Variants in TCERG1L observed in about 807,000 individuals in gnomAD.
TCERG1L encodes transcription elongation regulator 1 like, also known as transcription elongation regulator 1-like protein.
TCERG1L carries 37 observed loss-of-function variants against 56.3 expected under a neutral mutation model. The ratio of observed to expected loss-of-function variants is 0.66; its 90% CI spans 0.51 to 0.87. The LOEUF (loss-of-function observed/expected upper bound fraction) is 0.87, where lower values mean the gene tolerates loss of function less well. Among genes scored for constraint, TCERG1L ranks in the 40% least tolerant of loss-of-function variants. TCERG1L has a pLI of 0.00. For missense variants in TCERG1L, 799 were observed against 774.2 expected (o/e 1.03, Z -0.38); for synonymous variants, 324 against 326.3 (o/e 0.99, Z 0.08).
At chr10:131,197,397 G>T (rs1482983801) in intron 4 of TCERG1L, among the ~76,000 whole-genome samples, 1 of 152,104 alleles carries the variant, frequency 6.6e-6, no homozygotes, top group Non-Finnish European at 1.5e-5. Flanking sequence ...ATGTTAGCCA[G>T]GATGGTCTCG....
intron 4 of TCERG1L, among the ~76,000 whole-genome samples, chr10:131,226,183 C>A (rs1029664119): frequency 3.3e-5 from 5 of 151,610 alleles, no homozygotes; most frequent in Non-Finnish European, 5.9e-5. Flanking sequence ...TCAAGCAATC[C>A]GCCCGCCTCA....
intron 3 of TCERG1L, among the ~76,000 whole-genome samples, chr10:131,285,646 T>C (rs747356742): frequency 1.1e-4 from 17 of 152,088 alleles, no homozygotes; most frequent in South Asian, 2.1e-4. Context: ...AACGCTGTAA[T>C]AGAGATAAGT....
At chr10:131,270,182 C>T (rs1257581586) in intron 3 of TCERG1L, among the ~76,000 whole-genome samples, 1 of 152,272 alleles carries the variant, frequency 6.6e-6, no homozygotes, top group Non-Finnish European at 1.5e-5. Flanking sequence ...GATGATATAA[C>T]GTGGGCACCC....
intron 4 of TCERG1L, among the ~76,000 whole-genome samples, chr10:131,207,054 GCTTTGTC>G (rs1209682654): frequency 6.6e-6 from 1 of 152,216 alleles, no homozygotes; most frequent in East Asian, 1.9e-4. Flanking sequence ...ATCAGAAAGT[GCTTTGTC>G]CTTTTCAGCG....
intron 4 of TCERG1L, among the ~76,000 whole-genome samples, chr10:131,238,111 C>T (rs1057301406): frequency 6.6e-6 from 1 of 152,180 alleles, no homozygotes; most frequent in Non-Finnish European, 1.5e-5. Flanking sequence ...CACAGCCTGG[C>T]CTCTCCACCT....
At chr10:131,285,508 GAAAGAAAGAAAGAAAGAGAGAAAGAA>G (rs1846520537) in intron 3 of TCERG1L, among the ~76,000 whole-genome samples, 1 of 17,804 alleles carries the variant, frequency 5.6e-5, no homozygotes, top group Non-Finnish European at 1.9e-4. Flanking sequence ...AAGAAAGAAA[GAAAGAAAGAAAGAAAGAGAGAAAGAA>G]AAGAAAAGAA....
At chr10:131,094,863 ACAGG>A (rs1379209160) in intron 11 of TCERG1L, among the ~76,000 whole-genome samples, 2 of 152,238 alleles carry the variant, frequency 1.3e-5, no homozygotes, top group Non-Finnish European at 2.9e-5. Context: ...CCCTGGCTAG[ACAGG>A]CATCTACACA....
intron 3 of TCERG1L, among the ~76,000 whole-genome samples, chr10:131,263,103 A>G (rs943648008): frequency 6.6e-6 from 1 of 152,074 alleles, no homozygotes; most frequent in Non-Finnish European, 1.5e-5. Context: ...TTTGCTTTTT[A>G]AGAAACTGCC....
At position 131,290,156 on chromosome 10, in the gene TCERG1L, C is replaced by T. The variant is rs538795419; in HGVS notation, c.670+18055G>A. Among the ~76,000 whole-genome samples, 10 of 93,976 alleles carry T rather than the reference C, an allele frequency of 1.1e-4. 2 individuals carry two copies. The highest frequency in any genetic ancestry group is 3.7e-4 in the African/African-American group (10 of 26,840). 61.7% of individuals were successfully genotyped at this position (93,976 alleles called of 152,430 possible). ...GGTGTGCACTGCCTCCATCTCCTAT[C>T]GGTGTGTGTGTGTGTATGTGTGCAC... On this transcript the variant is annotated intron_variant, in intron 3 of 11. Transcript: ENST00000368642.
intron 4 of TCERG1L, among the ~76,000 whole-genome samples, chr10:131,243,693 C>T (rs961439056): frequency 6.6e-6 from 1 of 152,244 alleles, no homozygotes; most frequent in Non-Finnish European, 1.5e-5. Flanking sequence ...CGTGACCAGA[C>T]ACCCTCTGTT....
intron 8 of TCERG1L, among the ~76,000 whole-genome samples, chr10:131,120,745 C>T (rs1013667087): frequency 6.6e-6 from 1 of 152,190 alleles, no homozygotes; most frequent in African/African-American, 2.4e-5. Flanking sequence ...CCAGCATGCT[C>T]CCCTGAGGTG....
chr10:131,210,649 C>T (rs1845606795), intron 4 of TCERG1L, among the ~76,000 whole-genome samples: 1 of 152,118 alleles, frequency 6.6e-6, no homozygotes. Context: ...TGAGCTGTCC[C>T]GCAGGCCCGC....
chr10:131,109,933 G>A (rs773971210), intron 9 of TCERG1L, among the ~76,000 whole-genome samples: 8 of 152,216 alleles, frequency 5.3e-5, no homozygotes, highest in South Asian at 2.1e-4. Flanking sequence ...TTCCAAACTC[G>A]GCAGATGCCT....
chr10:131,243,064 A>G (rs1211773210), intron 4 of TCERG1L, among the ~76,000 whole-genome samples: 3 of 152,162 alleles, frequency 2.0e-5, no homozygotes, highest in African/African-American at 7.2e-5. Context: ...ATTACGATTT[A>G]TTTAAAGAAT....
intron 1 of TCERG1L, among the ~76,000 whole-genome samples, chr10:131,310,476 C>T (rs767168018): frequency 3.3e-5 from 5 of 152,134 alleles, no homozygotes; most frequent in South Asian, 4.1e-4. Flanking sequence ...TAACATAACA[C>T]CCGTTTGAAT....
chr10:131,216,400 C>G lies in TCERG1L; in HGVS notation c.856+43859G>C, dbSNP rs548038293. Among the ~76,000 whole-genome samples, 13 of 152,304 alleles carry G rather than the reference C, an allele frequency of 8.5e-5. 1 individual carries two copies. Among genetic ancestry groups the G allele is most frequent in the African/African-American group, 2.4e-4 (10 of 41,568 alleles). On this transcript the variant is annotated intron_variant, in intron 4 of 11. Transcript: ENST00000368642. ...CTACAACTGCCTGCCCTTTTCGCTA[C>G]AGTGAGGCCTTCAGTTTGGACAATA...
intron 4 of TCERG1L, among the ~76,000 whole-genome samples, chr10:131,259,099 C>A (rs1287279563): frequency 6.6e-6 from 1 of 152,178 alleles, no homozygotes; most frequent in Non-Finnish European, 1.5e-5. Context: ...GACTTATCAA[C>A]TAATTCATCA....
At chr10:131,145,312 C>T (rs544090136) in intron 7 of TCERG1L, among the ~76,000 whole-genome samples, 1 of 152,272 alleles carries the variant, frequency 6.6e-6, no homozygotes, top group Admixed American at 6.5e-5. Context: ...ACGTACAAGG[C>T]CCTCTTTTAA....
In TCERG1L at chr10:131,260,343, C is replaced by T. The variant is rs1173951939; in HGVS notation, c.772G>A (p.Gly258Ser). Residue 258 changes from glycine to serine, a missense_variant, in exon 4 of 12, where the codon GGC becomes AGC. Transcript: ENST00000368642. The surrounding 1 kb of genome is among the most constrained non-coding windows in gnomAD (Gnocchi z 5.8). The part of the protein sequence containing the change: ...MVSVDPENLR[G>S]PSPSSVQPRH... The stretch of plus-strand genomic sequence containing the variant: ...GGCTGCACGCTGGAGGGGGACGGGC[C>T]CCGGAGGTTCTCAGGGTCCACGGAG... 1.4e-6 allele frequency: 2 copies of T among 1,480,906 alleles called. No individual in the cohort carries two copies. The highest frequency in any genetic ancestry group is 1.8e-6 in the Non-Finnish European group (2 of 1,123,774). 91.7% of individuals were successfully genotyped at this position (1,480,906 alleles called of 1,614,324 possible). A position where few individuals can be genotyped will look rare whatever the true frequency, so the allele number is the denominator to read the frequency against.
Sources: allele counts gnomAD v4.1 joint callset (sites outside exome capture counted in the v4.1 genomes callset), GRCh38; gene constraint gnomAD v4.1.1; non-coding constraint Gnocchi (gnomAD v3.1); transcripts MANE v1.5; gene names NCBI Gene and HGNC (gene_info 2026-07-23, HGNC 2026-07-21).